URB1: variants seen among roughly 807,000 people sequenced by gnomAD.
URB1 encodes nucleolar pre-ribosomal-associated protein 1.
In URB1, 197 loss-of-function variants were observed where a neutral mutation model predicts 242.3. The observed-to-expected ratio is 0.81, with a 90% CI of 0.72 to 0.91. The LOEUF is 0.91. URB1 is among the 40% of genes least tolerant of loss of function. The pLI is 0.00. For missense variants in URB1, 2,721 were observed against 2,860.5 expected, an observed-to-expected ratio of 0.95 and a Z score of 1.11; for synonymous variants, 1,153 against 1,201.8, an observed-to-expected ratio of 0.96 and a Z score of 0.84.
chr21:32,359,204 G>C (rs2033257974), intron 14 of URB1, among the ~76,000 whole-genome samples: 1 of 152,168 alleles, frequency 6.6e-6, no homozygotes, highest in Admixed American at 6.5e-5. Flanking sequence ...GATTAATTTT[G>C]CTTGATAATG....
At chr21:32,384,245 C>A (rs1262748503) in intron 3 of URB1, 68 bp downstream of exon 3, 3 of 1,501,126 alleles carry the variant, frequency 2.0e-6, no homozygotes, top group Non-Finnish European at 2.7e-6. Flanking sequence ...CCAAATGCAC[C>A]TGCGGAGAGC....
Position 32,317,729 on chromosome 21 carries a change from A to G in URB1, c.5981T>C (p.Leu1994Pro). ...AATGGCTGCTCTCAGGTCTTCCTGG[A>G]GCTTGAGGTCTCTTTCAATGAGGCT... ...KWSLIERDLK[L>P]QEDLRAAIEK... Residue 1994 changes from leucine to proline, a missense_variant, in exon 37 of 39, where the codon CTC (leucine) becomes CCC (proline). Transcript: ENST00000382751. 2 of 1,551,718 alleles carry G rather than the reference A, an allele frequency of 1.3e-6. No homozygotes were observed. The highest frequency in any genetic ancestry group is 1.7e-6 in the Non-Finnish European group (2 of 1,147,008).
rs1406190852 is a variant in URB1 at position 32,359,915 on chromosome 21, G to T, written c.1757-7C>A. ...CCCTGCTCAGAGATGACACCTATGGGTGAAAAAGAGGCAGGCTGAAAAAAG... is the reference window on the plus strand; with the variant it reads ...CCCTGCTCAGAGATGACACCTATGGTTGAAAAAGAGGCAGGCTGAAAAAAG... On this transcript the variant is annotated splice_region_variant and splice_polypyrimidine_tract_variant and intron_variant, in intron 13 of 38. Coordinates refer to ENST00000382751, the MANE Select transcript of URB1 (RefSeq NM_014825.3). 3 of 1,547,680 alleles carry T rather than the reference G, an allele frequency of 1.9e-6. No homozygotes were observed. The highest frequency in any genetic ancestry group is 2.6e-6 in the Non-Finnish European group (3 of 1,145,508).
At chr21:32,329,794 G>A (rs572398502) in intron 30 of URB1, among the ~76,000 whole-genome samples, 4 of 152,184 alleles carry the variant, frequency 2.6e-5, no homozygotes, top group Admixed American at 6.5e-5. Flanking sequence ...AGATGCCACC[G>A]CAGGAAGTAA....
intron 4 of URB1, among the ~76,000 whole-genome samples, chr21:32,381,475 T>TA (rs1276776195): frequency 8.4e-4 from 114 of 135,622 alleles, no homozygotes; most frequent in African/African-American, 1.7e-3. Context: ...AAATAGCATT[T>TA]AAAAAAAAAA....
chr21:32,390,050 G>C (rs2033621841), intron 1 of URB1, among the ~76,000 whole-genome samples: 1 of 152,194 alleles, frequency 6.6e-6, no homozygotes, highest in African/African-American at 2.4e-5. Flanking sequence ...GAGGAAGAGA[G>C]GAGGAGAGAA....
intron 15 of URB1, among the ~76,000 whole-genome samples, chr21:32,356,805 A>G (rs958256055): frequency 6.6e-6 from 1 of 152,224 alleles, no homozygotes; most frequent in Non-Finnish European, 1.5e-5. Flanking sequence ...GACTGTGCCA[A>G]TTTCACCTAT....
Position 32,349,222 on chromosome 21 carries a change from A to C in URB1, c.3012+82T>G. On this transcript the variant is annotated intron_variant, in intron 21 of 38. Coordinates refer to ENST00000382751, the MANE Select transcript of URB1 (RefSeq NM_014825.3). Reference sequence around the variant, plus strand: ...TTCCCAATTTTCCCACAATGGACCTATGTTTGTTTTTAATCAGAAGTGAAG... The same window carrying C: ...TTCCCAATTTTCCCACAATGGACCTCTGTTTGTTTTTAATCAGAAGTGAAG... 2.1e-6 allele frequency: 3 copies of C among 1,421,026 alleles called. No individual in the cohort carries two copies. The South Asian group carries it at 4.6e-5, about 22-fold the overall frequency. 88.0% of individuals were successfully genotyped at this position (1,421,026 alleles called of 1,614,324 possible). A position where few individuals can be genotyped will look rare whatever the true frequency, so the allele number is the denominator to read the frequency against.
chr21:32,360,923 C>A, intron 13 of URB1, 84 bp downstream of exon 13: 2 of 944,132 alleles, frequency 2.1e-6, no homozygotes, highest in South Asian at 3.5e-5. Context: ...CGTCCACCAG[C>A]CTTCCTGATT....
At position 32,338,900 on chromosome 21, in the gene URB1, T is replaced by C; in HGVS notation, c.4317A>G (p.Lys1439=). ...DWQKFVKKGL[K]FRYQDHTFLK... ...AAAATGTGTGGTCCTGGTACCGAAATCTAGGCGGCGAGAGTCAAAGGGAAA... is the reference window on the plus strand; with the variant it reads ...AAAATGTGTGGTCCTGGTACCGAAACCTAGGCGGCGAGAGTCAAAGGGAAA... Residue 1439 remains lysine (K), a splice_region_variant and synonymous_variant, in exon 26 of 39, where the codon AAA becomes AAG. Coordinates refer to ENST00000382751, the MANE Select transcript of URB1 (RefSeq NM_014825.3). The C allele has an allele frequency of 6.5e-7, 1 of 1,532,658 alleles. No individual in the cohort carries two copies. The highest frequency in any genetic ancestry group is 8.8e-7 in the Non-Finnish European group (1 of 1,132,992). 94.9% of individuals were successfully genotyped at this position (1,532,658 alleles called of 1,614,324 possible).
chr21:32,333,306 A>G lies in URB1; in HGVS notation c.4960+11T>C. 6.4e-7 allele frequency: 1 copy of G among 1,551,408 alleles called. No individual in the cohort carries two copies. Among genetic ancestry groups the G allele is most frequent in the Non-Finnish European group, 8.7e-7 (1 of 1,146,548 alleles). On this transcript the variant is annotated intron_variant, in intron 30 of 38. Coordinates refer to ENST00000382751, the MANE Select transcript of URB1 (RefSeq NM_014825.3). Reference sequence around the variant, plus strand: ...ATAGCAAGCCCTGACCCAAGAGAAGACTGCAGTTACCTGGCCTGGTCAGCT... The same window carrying G: ...ATAGCAAGCCCTGACCCAAGAGAAGGCTGCAGTTACCTGGCCTGGTCAGCT...
intron 3 of URB1, among the ~76,000 whole-genome samples, 174 bp downstream of exon 3, chr21:32,384,139 G>A (rs1301073401): frequency 1.8e-4 from 27 of 152,172 alleles, no homozygotes; most frequent in Admixed American, 1.1e-3. Flanking sequence ...GAGGAGTCAG[G>A]GACAGCCAGG....
chr21:32,366,630 G>A lies in URB1; in HGVS notation c.1323C>T (p.Thr441=), dbSNP rs1231036324. 1.3e-6 allele frequency: 2 copies of A among 1,551,438 alleles called. No homozygotes were observed. Among genetic ancestry groups the A allele is most frequent in the Admixed American group, 2.0e-5 (1 of 50,988 alleles). The change falls in exon 10 of 39, where the codon ACC becomes ACT. Residue 441 remains threonine, a synonymous_variant. Coordinates refer to ENST00000382751, the MANE Select transcript of URB1 (RefSeq NM_014825.3). The part of the protein sequence containing the change: ...VPLVCNKSMF[T]QALNLDSTSV... The stretch of plus-strand genomic sequence containing the variant: ...CACATGGCCTTACGTTTAATGCTTG[G>A]GTGAACATGCTCTTATTGCACACCA...
chr21:32,311,910 G>C lies in URB1; in HGVS notation c.*3008C>G, dbSNP rs776794313. 4 of 1,613,738 alleles carry C rather than the reference G, an allele frequency of 2.5e-6. No homozygotes were observed. The highest frequency in any genetic ancestry group is 3.4e-6 in the Non-Finnish European group (4 of 1,180,046). On this transcript the variant is annotated 3_prime_UTR_variant, in exon 39 of 39. Coordinates refer to ENST00000382751, the MANE Select transcript of URB1 (RefSeq NM_014825.3). ...CCAGACCCACCCCACTCTCCTCTGG[G>C]AACTGACCCTCAATGGGGGTCCCCT...
intron 24 of URB1, among the ~76,000 whole-genome samples, chr21:32,342,341 G>A (rs1295292335): frequency 6.6e-6 from 1 of 152,192 alleles, no homozygotes; most frequent in African/African-American, 2.4e-5. Context: ...GCTACAGGCC[G>A]TGTGTGTGCA....
chr21:32,392,246 A>G (rs1419145521), intron 1 of URB1, among the ~76,000 whole-genome samples: 1 of 152,224 alleles, frequency 6.6e-6, no homozygotes, highest in African/African-American at 2.4e-5. Flanking sequence ...TAATTAAATT[A>G]TAGAGTCGGC....
intron 31 of URB1, 37 bp from the exon 32 acceptor site, chr21:32,324,639 G>GC (rs1568809349): frequency 1.4e-6 from 2 of 1,474,622 alleles, no homozygotes; most frequent in Non-Finnish European, 1.9e-6. Context: ...TGTAAGATGA[G>GC]CGTGTTCAGA....
At chr21:32,357,697 T>G in intron 14 of URB1, 41 bp from the exon 15 acceptor site, 1 of 1,319,208 alleles carries the variant, frequency 7.6e-7, no homozygotes, top group Non-Finnish European at 9.7e-7. Context: ...GTATATATAA[T>G]TACATATATA....
At chr21:32,339,494 C>CTTTTTTTTTTTTT in intron 25 of URB1, among the ~76,000 whole-genome samples, 1 of 139,130 alleles carries the variant, frequency 7.2e-6, no homozygotes, top group Non-Finnish European at 1.6e-5. Flanking sequence ...TTTTTTTTTT[C>CTTTTTTTTTTTTT]TTTTTTTTTT....
Sources: gnomAD v4.1 joint callset for allele counts (sites outside exome capture counted in the v4.1 genomes callset) on GRCh38, gnomAD v4.1.1 for gene constraint, MANE v1.5 for transcripts, NCBI Gene and HGNC (gene_info 2026-07-23, HGNC 2026-07-21) for gene names.